The following CDH4 variants were observed in gnomAD, a reference collection of about 807,000 sequenced individuals.
The protein encoded by CDH4 is cadherin-4.
CDH4 carries 33 observed loss-of-function variants against 86.0 expected under a neutral mutation model. The ratio of observed to expected loss-of-function variants is 0.38; its 90% CI spans 0.29 to 0.51. CDH4 has a LOEUF of 0.51. Ranked by LOEUF, CDH4 falls within the 20% of genes least tolerant of loss-of-function variation. CDH4 has a pLI of 0.86. For missense variants in CDH4, 1,114 were observed against 1,307.4 expected, an observed-to-expected ratio of 0.85 and a Z score of 2.28; for synonymous variants, 555 against 549.4, an observed-to-expected ratio of 1.01 and a Z score of -0.14.
intron 3 of CDH4, among the ~76,000 whole-genome samples, chr20:61,766,371 C>T (rs1407792590): frequency 6.6e-6 from 1 of 152,148 alleles, no homozygotes; most frequent in Non-Finnish European, 1.5e-5. Context: ...CTAGGCCCCC[C>T]TTGGCCCAGC....
rs1983928931 is a variant in CDH4, at chr20:61,874,325, C to T, written c.1050+425C>T. On this transcript the variant is annotated intron_variant, in intron 7 of 15. Transcript: ENST00000614565. ...ACCCACCCCACCCAGGCTGCGGCGGCCTGGCTGTGACGAAGGGGGCATGGA... is the reference window on the plus strand; with the variant it reads ...ACCCACCCCACCCAGGCTGCGGCGGTCTGGCTGTGACGAAGGGGGCATGGA... Among the ~76,000 whole-genome samples the T allele has an allele frequency of 3.9e-5, 6 of 152,256 alleles. No homozygotes were observed. The South Asian group carries it at 1.2e-3, about 32-fold the overall frequency.
rs532319284 is a variant in CDH4 at position 61,362,779 on chromosome 20, G to C, written c.169+107842G>C. 2.0e-5 allele frequency among the ~76,000 whole-genome samples: 3 copies of C among 152,228 alleles called. No individual in the cohort carries two copies. The South Asian group carries it at 6.2e-4, about 32-fold the overall frequency. On this transcript the variant is annotated intron_variant, in intron 2 of 15. Transcript: ENST00000614565. ...CCTGAGACAGCATTAGGGAAGGAAG[G>C]AGGTGGCGAGAGGATCATGCGTTCT...
At chr20:61,610,928 T>C (rs2086680592) in intron 2 of CDH4, among the ~76,000 whole-genome samples, 1 of 151,014 alleles carries the variant, frequency 6.6e-6, no homozygotes, top group Non-Finnish European at 1.5e-5. Flanking sequence ...GTGCTGGAGC[T>C]GTGTGGAAAT....
rs531304128 is a variant in CDH4, at chr20:61,697,651, C to T, written c.170-45912C>T. Among the ~76,000 whole-genome samples, 3 of 152,272 alleles carry T rather than the reference C, an allele frequency of 2.0e-5. No homozygotes were observed. The East Asian group carries it at 5.8e-4, about 29-fold the overall frequency. ...CCCTAACCCTGCTCTCATCACAGCT[C>T]CCTGTGTTCCAGAACCCAGCAGGGT... is the stretch of plus-strand genomic sequence containing the variant. On this transcript the variant is annotated intron_variant, in intron 2 of 15. Transcript: ENST00000614565.
intron 2 of CDH4, among the ~76,000 whole-genome samples, chr20:61,565,087 T>TA (rs2086256707): frequency 1.8e-4 from 18 of 102,022 alleles, no homozygotes; most frequent in African/African-American, 6.2e-4. Context: ...GTGGTGGTGG[T>TA]GCTCTTGGTG....
chr20:61,349,409 T>C (rs951003447), intron 2 of CDH4, among the ~76,000 whole-genome samples: 7 of 152,214 alleles, frequency 4.6e-5, no homozygotes, highest in Non-Finnish European at 7.3e-5. Flanking sequence ...CACCAGCTAA[T>C]GTTTGATGTG....
chr20:61,518,481 CTTCCATCA>C lies in CDH4; in HGVS notation c.170-225079_170-225072del, dbSNP rs758021196. On this transcript the variant is annotated intron_variant, in intron 2 of 15. Transcript: ENST00000614565. This position sits in a 1 kb window ranked among gnomAD's most constrained non-coding sequence, Gnocchi z 6.3. ...TCCACCCATCGTCCATCCATCCATC[CTTCCATCA>C]TTGATTCATCATCCATCCATCCGTC... Among the ~76,000 whole-genome samples the C allele has an allele frequency of 2.0e-4, 31 of 151,930 alleles. No individual in the cohort carries two copies. The highest frequency in any genetic ancestry group is 5.2e-4 in the Admixed American group (8 of 15,266).
intron 2 of CDH4, among the ~76,000 whole-genome samples, chr20:61,593,268 C>T (rs1267890283): frequency 6.6e-6 from 1 of 152,216 alleles, no homozygotes; most frequent in Non-Finnish European, 1.5e-5. Context: ...GGGTGTCCTC[C>T]CACTTCCTGG....
intron 2 of CDH4, among the ~76,000 whole-genome samples, chr20:61,584,547 G>A (rs1000144765): frequency 6.6e-6 from 1 of 152,194 alleles, no homozygotes; most frequent in Middle Eastern, 3.2e-3. Flanking sequence ...ATCCGCTGCT[G>A]TCTCCAGTGG....
chr20:61,615,719 G>A (rs1026078581), intron 2 of CDH4, among the ~76,000 whole-genome samples: 2 of 152,172 alleles, frequency 1.3e-5, no homozygotes, highest in African/African-American at 4.8e-5. Flanking sequence ...GTAGGGATGC[G>A]AGGGTTAGGA....
At chr20:61,756,412 G>A (rs1397432434) in intron 3 of CDH4, among the ~76,000 whole-genome samples, 1 of 152,160 alleles carries the variant, frequency 6.6e-6, no homozygotes, top group African/African-American at 2.4e-5. Flanking sequence ...AAAGGCTGGA[G>A]CAGGGAGCTC....
At chr20:61,855,157 C>A (rs1982943672) in intron 6 of CDH4, among the ~76,000 whole-genome samples, 3 of 144,552 alleles carry the variant, frequency 2.1e-5, no homozygotes, top group Non-Finnish European at 4.6e-5. Flanking sequence ...GGCCCACCCC[C>A]AGGGCTGCAG....
At chr20:61,615,955 G>A (rs1233872862) in intron 2 of CDH4, among the ~76,000 whole-genome samples, 1 of 152,210 alleles carries the variant, frequency 6.6e-6, no homozygotes, top group Non-Finnish European at 1.5e-5. Context: ...GAGAGGCCAA[G>A]AGAGCAGAGC....
At chr20:61,405,639 A>G (rs1372045544) in intron 2 of CDH4, among the ~76,000 whole-genome samples, 2 of 152,116 alleles carry the variant, frequency 1.3e-5, no homozygotes, top group Non-Finnish European at 2.9e-5. Flanking sequence ...TCTTTTTTAT[A>G]GTAAATATTT....
intron 2 of CDH4, among the ~76,000 whole-genome samples, chr20:61,383,865 G>A (rs533233246): frequency 0.034 from 2,918 of 84,874 alleles, 180 homozygotes; most frequent in African/African-American, 0.15. Context: ...ATATATATGC[G>A]TATATATGAA....
chr20:61,882,439 C>A (rs1398966741), intron 7 of CDH4, among the ~76,000 whole-genome samples: 1 of 152,222 alleles, frequency 6.6e-6, no homozygotes, highest in Non-Finnish European at 1.5e-5. Flanking sequence ...CGGTCAACAT[C>A]GAAACGAGAG....
At chr20:61,569,211 T>C (rs1353579870) in intron 2 of CDH4, among the ~76,000 whole-genome samples, 6 of 151,922 alleles carry the variant, frequency 3.9e-5, no homozygotes, top group Non-Finnish European at 7.4e-5. Flanking sequence ...GTGGCCATGA[T>C]GATTAACTGA....
rs559018233 is a variant in CDH4 at position 61,389,973 on chromosome 20, G to C, written c.169+135036G>C. Among the ~76,000 whole-genome samples, 4 of 149,524 alleles carry C rather than the reference G, an allele frequency of 2.7e-5. No individual in the cohort carries two copies. In the South Asian group the frequency reaches 8.5e-4, roughly 32 times the overall value. On this transcript the variant is annotated intron_variant, in intron 2 of 15. Coordinates refer to ENST00000614565, the MANE Select transcript of CDH4 (RefSeq NM_001794.5). The stretch of plus-strand genomic sequence containing the variant: ...TAGGGTGTCCATAGTGCCGTGTCTG[G>C]GAAACCCTAAATGAGATCATGCAGT...
chr20:61,898,122 G>A (rs1361526001), intron 8 of CDH4, among the ~76,000 whole-genome samples: 1 of 152,206 alleles, frequency 6.6e-6, no homozygotes, highest in Non-Finnish European at 1.5e-5. Flanking sequence ...TGGGTGACAG[G>A]CAGGAGCCCC....
Sources: gnomAD v4.1 joint callset for allele counts (sites outside exome capture counted in the v4.1 genomes callset) on GRCh38, gnomAD v4.1.1 for gene constraint, Gnocchi (gnomAD v3.1) non-coding constraint, MANE v1.5 for transcripts, NCBI Gene and HGNC (gene_info 2026-07-23, HGNC 2026-07-21) for gene names.